CIRSR: variants seen among roughly 807,000 people sequenced by gnomAD.
CIRSR encodes CBF1 (RBPJ) interacting corepressor 1.
chr2:174,348,824 C>T, the CIRSR span: 1 of 1,614,186 alleles, frequency 6.2e-7, no homozygotes, highest in South Asian at 1.1e-5. Context: ...CCCTAGAACT[C>T]TCGTGTTTTA....
At chr2:174,350,736 C>G in the CIRSR span, 3 of 1,607,002 alleles carry the variant, frequency 1.9e-6, no homozygotes, top group Admixed American at 5.0e-5. Flanking sequence ...CCCTCACTTG[C>G]AACATACTCC....
At chr2:174,375,539 G>A in the CIRSR span, among the ~76,000 whole-genome samples, 1 of 152,172 alleles carries the variant, frequency 6.6e-6, no homozygotes, top group Non-Finnish European at 1.5e-5. Flanking sequence ...AGCCTGGGAA[G>A]CAAAGGTTGC....
At chr2:174,372,635 T>G in the CIRSR span, among the ~76,000 whole-genome samples, 2 of 152,236 alleles carry the variant, frequency 1.3e-5, no homozygotes, top group East Asian at 3.9e-4. Flanking sequence ...CAGGCTGGAG[T>G]GCAGTGGCAC....
the CIRSR span, chr2:174,379,156 GA>G: frequency 9.9e-6 from 7 of 703,886 alleles, no homozygotes; most frequent in Admixed American, 5.2e-5. Context: ...GATCTCCAGG[GA>G]AAAAGACTCC....
chr2:174,380,589 G>T, the CIRSR span: 2 of 1,410,556 alleles, frequency 1.4e-6, no homozygotes, highest in Non-Finnish European at 2.0e-6. Context: ...ACATAAGATG[G>T]GATATCAGTA....
At chr2:174,348,406 T>C in the CIRSR span, 1 of 1,510,812 alleles carries the variant, frequency 6.6e-7, no homozygotes, top group African/African-American at 1.4e-5. Context: ...AGTACATAAT[T>C]TACCCCTTGC....
the CIRSR span, among the ~76,000 whole-genome samples, chr2:174,389,604 C>T: frequency 6.6e-6 from 1 of 152,110 alleles, no homozygotes; most frequent in East Asian, 1.9e-4. Context: ...AAGCCGGCTG[C>T]AGAAATTTGC....
the CIRSR span, among the ~76,000 whole-genome samples, chr2:174,393,272 A>G: frequency 6.6e-6 from 1 of 152,222 alleles, no homozygotes; most frequent in Non-Finnish European, 1.5e-5. Context: ...TCAAGAAAAA[A>G]AAAGAACAGC....
chr2:174,387,720 C>G, the CIRSR span: 2 of 1,596,864 alleles, frequency 1.3e-6, no homozygotes, highest in Non-Finnish European at 8.5e-7. Context: ...TAAGATATTG[C>G]TGCATCAATT....
At chr2:174,362,562 A>G in the CIRSR span, among the ~76,000 whole-genome samples, 26 of 151,346 alleles carry the variant, frequency 1.7e-4, 1 homozygote, top group South Asian at 5.4e-3. Context: ...GGGCGCCTGT[A>G]GTCCCAGCTA....
chr2:174,388,647 C>T, the CIRSR span, among the ~76,000 whole-genome samples: 1 of 152,054 alleles, frequency 6.6e-6, no homozygotes, highest in Admixed American at 6.6e-5. Context: ...TGCAAAAGAA[C>T]ATATACCACA....
At chr2:174,394,558 G>A in the CIRSR span, among the ~76,000 whole-genome samples, 2 of 152,126 alleles carry the variant, frequency 1.3e-5, no homozygotes. Flanking sequence ...AGGAGATGGG[G>A]CTGGATGATT....
chr2:174,367,118 A>G, the CIRSR span, among the ~76,000 whole-genome samples: 1 of 152,218 alleles, frequency 6.6e-6, no homozygotes, highest in Non-Finnish European at 1.5e-5. Flanking sequence ...TATTTCAATC[A>G]TTGCTTTTGA....
At chr2:174,352,447 A>G in the CIRSR span, among the ~76,000 whole-genome samples, 23 of 152,312 alleles carry the variant, frequency 1.5e-4, no homozygotes, top group East Asian at 3.9e-3. Flanking sequence ...ATGAACTAAC[A>G]ATAAATTTTA....
At chr2:174,385,869 T>A in the CIRSR span, among the ~76,000 whole-genome samples, 7 of 152,064 alleles carry the variant, frequency 4.6e-5, no homozygotes, top group African/African-American at 1.2e-4. Flanking sequence ...GAGGGAATGA[T>A]AGAAATAGAA....
At chr2:174,389,091 T>C in the CIRSR span, among the ~76,000 whole-genome samples, 1 of 152,164 alleles carries the variant, frequency 6.6e-6, no homozygotes, top group Non-Finnish European at 1.5e-5. Context: ...TAGACTAATA[T>C]AGTAAATTGG....
At chr2:174,383,139 G>A in the CIRSR span, among the ~76,000 whole-genome samples, 3 of 152,164 alleles carry the variant, frequency 2.0e-5, no homozygotes, top group East Asian at 5.8e-4. Flanking sequence ...AAAGAAGCCA[G>A]TCACAAAAGA....
the CIRSR span, among the ~76,000 whole-genome samples, chr2:174,350,996 T>C: frequency 1.3e-5 from 2 of 152,198 alleles, no homozygotes; most frequent in Non-Finnish European, 2.9e-5. Context: ...AAAAGGATGA[T>C]AGACACACAC....
chr2:174,354,511 T>C, the CIRSR span, among the ~76,000 whole-genome samples: 1 of 17,086 alleles, frequency 5.9e-5, no homozygotes, highest in African/African-American at 1.0e-4. Flanking sequence ...ATTATATATA[T>C]CATATAATAT....
Sources: allele counts gnomAD v4.1 joint callset (sites outside exome capture counted in the v4.1 genomes callset), GRCh38; gene constraint gnomAD v4.1.1; transcripts MANE v1.5; gene names NCBI Gene and HGNC (gene_info 2026-07-23, HGNC 2026-07-21).